PFKFB1: variants seen among roughly 807,000 people sequenced by gnomAD.
PFKFB1 encodes the protein 6-phosphofructo-2-kinase/fructose-2,6-bisphosphatase 1.
Under a neutral mutation model 46.4 loss-of-function variants are expected in PFKFB1, and 34 were observed. The ratio of observed to expected loss-of-function variants is 0.73; its 90% CI spans 0.56 to 0.98. PFKFB1 has a LOEUF of 0.98. Ranked by LOEUF, PFKFB1 falls within the 50% of genes least tolerant of loss-of-function variation. The probability of loss-of-function intolerance (pLI) is 0.00; values close to 1 mark genes in which losing one functional copy is unlikely to be tolerated. For synonymous variants in PFKFB1, 119 were observed against 133.8 expected, an observed-to-expected ratio of 0.89 and a Z score of 0.76; for missense variants, 393 against 376.3, an observed-to-expected ratio of 1.04 and a Z score of -0.37.
In PFKFB1 at chrX:54,945,707, TGTGTGTGTGTGTGC is replaced by T. The variant is rs1223747075; in HGVS notation, c.994-178_994-165del. 2.9e-5 allele frequency among the ~76,000 whole-genome samples: 3 copies of T among 105,245 alleles called. No homozygotes were observed. The East Asian group carries it at 9.0e-4, about 32-fold the overall frequency. 91.4% of individuals were successfully genotyped at this position (105,245 alleles called of 115,157 possible). A position where few individuals can be genotyped will look rare whatever the true frequency, so the allele number is the denominator to read the frequency against. Reference sequence around the variant, plus strand: ...TTGTCCATAAGTGTGTATGCGTGTGTGTGTGTGTGTGTGCGTGTGTGTGTGTGTGTGTGTGTGAG... The same window carrying T: ...TTGTCCATAAGTGTGTATGCGTGTGTGTGTGTGTGTGTGTGTGTGTGTGAG... On this transcript the variant is annotated intron_variant, in intron 9 of 13. Transcript: ENST00000375006.
intron 1 of PFKFB1, among the ~76,000 whole-genome samples, chrX:54,984,474 A>G (rs1935068066): frequency 8.9e-6 from 1 of 111,893 alleles, no homozygotes; most frequent in African/African-American, 3.2e-5. Flanking sequence ...CAACACAACA[A>G]CCTTTTAAAA....
At chrX:54,948,644 A>T (rs1443892041) in intron 9 of PFKFB1, among the ~76,000 whole-genome samples, 2 of 111,411 alleles carry the variant, frequency 1.8e-5, no homozygotes, top group Non-Finnish European at 3.8e-5. Flanking sequence ...GGGTCTTCAC[A>T]TGAGTTATTT....
In PFKFB1 at chrX:54,963,335, C is replaced by T; in HGVS notation, c.145G>A (p.Gly49Ser). The stretch of plus-strand genomic sequence containing the variant: ...TAGGTCTTGCCTCGAGCTGGTAAAC[C>T]CACCATGATCACCATTGTGGGGGAA... The part of the protein sequence containing the change: ...TNSPTMVIMV[G>S]LPARGKTYIS... The change falls in exon 2 of 14, where the codon GGT becomes AGT. Residue 49 changes from glycine (G) to serine (S), a missense_variant. By Grantham distance (56) the Gly-to-Ser change is moderately conservative (BLOSUM62 0). Transcript: ENST00000375006. The T allele has an allele frequency of 2.5e-6, 3 of 1,208,779 alleles. No individual in the cohort carries two copies. The highest frequency in any genetic ancestry group is 3.4e-6 in the Non-Finnish European group (3 of 893,026).
At chrX:54,966,594 T>TAG (rs756945711) in intron 1 of PFKFB1, among the ~76,000 whole-genome samples, 23 of 111,832 alleles carry the variant, frequency 2.1e-4, no homozygotes, top group African/African-American at 7.5e-4. Context: ...TCAGAAGCAA[T>TAG]AGTGGCCCAG....
At chrX:54,945,312 G>A in intron 10 of PFKFB1, 127 bp downstream of exon 10, 1 of 407,816 alleles carries the variant, frequency 2.5e-6, no homozygotes, top group Non-Finnish European at 4.2e-6. Flanking sequence ...TGCCTTGTGG[G>A]ATGGCAGCTG....
chrX:54,964,607 G>A (rs1024991925), intron 1 of PFKFB1, among the ~76,000 whole-genome samples: 17 of 111,455 alleles, frequency 1.5e-4, no homozygotes, highest in Non-Finnish European at 2.5e-4. Flanking sequence ...TTGTGTAATG[G>A]TGGGGTTTGG....
In PFKFB1 at chrX:54,937,693, G is replaced by C; in HGVS notation, c.1130C>G (p.Pro377Arg). The change falls in exon 11 of 14, where the codon CCA becomes CGA. Residue 377 changes from proline to arginine, a missense_variant. Coordinates refer to ENST00000375006, the MANE Select transcript of PFKFB1 (RefSeq NM_002625.4). Reference sequence around the variant, plus strand: ...CTGTCGTTCTAGCTCCATTATCACTGGCTCCAGACGCTGAACCAGATCCTC... The same window carrying C: ...CTGTCGTTCTAGCTCCATTATCACTCGCTCCAGACGCTGAACCAGATCCTC... Reference protein sequence around the residue: ...SYEDLVQRLEPVIMELERQEN... With the variant: ...SYEDLVQRLERVIMELERQEN... The C allele has an allele frequency of 8.3e-7, 1 of 1,207,645 alleles. No homozygotes were observed. The highest frequency in any genetic ancestry group is 1.1e-6 in the Non-Finnish European group (1 of 892,035).
intron 5 of PFKFB1, among the ~76,000 whole-genome samples, chrX:54,958,620 T>C (rs1485785309): frequency 9.0e-6 from 1 of 111,469 alleles, no homozygotes; most frequent in Non-Finnish European, 1.9e-5. Context: ...CTCTCTCCAC[T>C]CTTTCCCCAT....
intron 11 of PFKFB1, among the ~76,000 whole-genome samples, chrX:54,935,794 C>T (rs1319354288): frequency 9.0e-6 from 1 of 111,575 alleles, no homozygotes; most frequent in South Asian, 3.8e-4. Context: ...CTTGCAGTGT[C>T]CTGGGGGTGA....
chrX:54,982,562 G>T (rs1475501138), intron 1 of PFKFB1, among the ~76,000 whole-genome samples: 1 of 111,790 alleles, frequency 8.9e-6, no homozygotes, highest in Non-Finnish European at 1.9e-5. Context: ...CATTTACATA[G>T]CATTTACATT....
upstream of PFKFB1, chrX:54,998,313 C>A (rs187528598): frequency 3.4e-5 from 25 of 729,968 alleles, no homozygotes; most frequent in African/African-American, 5.0e-4. Flanking sequence ...ACACGACAAC[C>A]AACCATCTAT....
intron 10 of PFKFB1, among the ~76,000 whole-genome samples, chrX:54,940,688 T>C (rs1378342639): frequency 9.0e-6 from 1 of 111,215 alleles, no homozygotes; most frequent in African/African-American, 3.3e-5. Context: ...TTACAAGGGA[T>C]GTGAAGGACC....
At chrX:54,946,672 G>A (rs1933822893) in intron 9 of PFKFB1, among the ~76,000 whole-genome samples, 1 of 111,950 alleles carries the variant, frequency 8.9e-6, no homozygotes, top group Admixed American at 9.4e-5. Context: ...ATTCTGAGGA[G>A]TACTAGGAGC....
intron 2 of PFKFB1, 29 bp downstream of exon 2, chrX:54,963,228 T>C (rs185428890): frequency 1.2e-5 from 14 of 1,203,018 alleles, no homozygotes; most frequent in African/African-American, 3.5e-5. Flanking sequence ...TTTTATGGGG[T>C]TGTTGAACAA....
In PFKFB1 at chrX:54,993,976, G is replaced by A. The variant is rs1260615825; in HGVS notation, c.32C>T (p.Thr11Ile). The A allele has an allele frequency of 2.5e-6, 3 of 1,206,681 alleles. No individual in the cohort carries two copies. The highest frequency in any genetic ancestry group is 2.3e-4 in the Middle Eastern group (1 of 4,342). Residue 11 changes from threonine (T) to isoleucine (I), a missense_variant, in exon 1 of 14, where the codon ACC becomes ATC. Thr to Ile is a moderately conservative substitution (Grantham distance 89, BLOSUM62 -1). Transcript: ENST00000375006. MSPEMGELTQ[T>I]RLQKIWIPHS... Reference sequence around the variant, plus strand: ...TGGAATCCAGATCTTCTGCAACCTGGTTTGGGTGAGCTCTCCCATCTCTGG... The same window carrying A: ...TGGAATCCAGATCTTCTGCAACCTGATTTGGGTGAGCTCTCCCATCTCTGG...
rs747277169 is a variant in PFKFB1, at chrX:54,944,168, A to G, written c.1098+1271T>C. Among the ~76,000 whole-genome samples the G allele has an allele frequency of 7.1e-5, 8 of 111,906 alleles. No homozygotes were observed. In the South Asian group the frequency reaches 3.0e-3, roughly 42 times the overall value. ...ATGAGTGATTTTGAAATACATTTTGACCTTACATCCTTATTGAGATATCAA... is the reference window on the plus strand; with the variant it reads ...ATGAGTGATTTTGAAATACATTTTGGCCTTACATCCTTATTGAGATATCAA... On this transcript the variant is annotated intron_variant, in intron 10 of 13. Coordinates refer to ENST00000375006, the MANE Select transcript of PFKFB1 (RefSeq NM_002625.4).
chrX:54,984,841 T>G (rs1475316785), intron 1 of PFKFB1, among the ~76,000 whole-genome samples: 7 of 110,883 alleles, frequency 6.3e-5, no homozygotes, highest in Admixed American at 4.8e-4. Context: ...TCCTCCCAGT[T>G]TTTACTCATA....
intron 6 of PFKFB1, among the ~76,000 whole-genome samples, chrX:54,958,009 CCTCT>C (rs1456815677): frequency 1.8e-5 from 2 of 111,495 alleles, no homozygotes; most frequent in Non-Finnish European, 1.9e-5. Flanking sequence ...ACCTCAGTTT[CCTCT>C]CTCTAACATG....
Position 54,993,921 on chromosome X carries a change from C to T in PFKFB1, c.87G>A (p.Arg29=), listed in dbSNP as rs919838989. ...PHSSGSSRLQ[R]RRGSSIPQFT... ...GCAAACCCCACTTACAGCCCCTTCTCCGTTGCAGCCTGCTGCTGCCGCTGC... is the reference window on the plus strand; with the variant it reads ...GCAAACCCCACTTACAGCCCCTTCTTCGTTGCAGCCTGCTGCTGCCGCTGC... Residue 29 remains arginine (R), a synonymous_variant, in exon 1 of 14, where the codon CGG becomes CGA. Coordinates refer to ENST00000375006, the MANE Select transcript of PFKFB1 (RefSeq NM_002625.4). The T allele has an allele frequency of 7.5e-6, 9 of 1,203,847 alleles. No homozygotes were observed. Among genetic ancestry groups the T allele is most frequent in the Non-Finnish European group, 1.0e-5 (9 of 892,259 alleles).
Sources: allele counts gnomAD v4.1 joint callset (sites outside exome capture counted in the v4.1 genomes callset), GRCh38; gene constraint gnomAD v4.1.1; transcripts MANE v1.5; gene names NCBI Gene and HGNC (gene_info 2026-07-23, HGNC 2026-07-21).